GRIK4: variants seen among roughly 807,000 people sequenced by gnomAD.
GRIK4 encodes glutamate receptor ionotropic, kainate 4.
A neutral mutation model predicts 104.9 loss-of-function variants in GRIK4; 40 were observed. The observed-to-expected ratio is 0.38, with a 90% CI of 0.30 to 0.50. The LOEUF (loss-of-function observed/expected upper bound fraction) is 0.50. GRIK4 is among the 20% of genes least tolerant of loss of function. The probability of loss-of-function intolerance (pLI) is 0.93; values close to 1 mark genes in which losing one functional copy is unlikely to be tolerated. For synonymous variants in GRIK4, 485 were observed against 524.9 expected, an observed-to-expected ratio of 0.92 and a Z score of 1.04; for missense variants, 1,047 against 1,308.1, an observed-to-expected ratio of 0.80 and a Z score of 3.08.
intron 13 of GRIK4, among the ~76,000 whole-genome samples, chr11:120,916,570 C>A (rs967997655): frequency 6.6e-6 from 1 of 152,180 alleles, no homozygotes; most frequent in Non-Finnish European, 1.5e-5. Flanking sequence ...GTCTGAAAAT[C>A]CAAAATCTGA....
intron 13 of GRIK4, among the ~76,000 whole-genome samples, chr11:120,922,121 C>T (rs1175495516): frequency 6.6e-6 from 1 of 152,184 alleles, no homozygotes; most frequent in Middle Eastern, 3.2e-3. Flanking sequence ...ATAGTACTAG[C>T]CTCATTACTG....
chr11:120,672,065 T>A (rs1227474593), intron 3 of GRIK4, among the ~76,000 whole-genome samples: 1 of 152,216 alleles, frequency 6.6e-6, no homozygotes, highest in East Asian at 1.9e-4. Context: ...GTGTGATGCC[T>A]CCAGCTTTGT....
chr11:120,841,127 G>A (rs1272402337), intron 8 of GRIK4, among the ~76,000 whole-genome samples: 1 of 151,848 alleles, frequency 6.6e-6, no homozygotes, highest in African/African-American at 2.4e-5. Flanking sequence ...CATAAAATTT[G>A]CCATTGTAAC....
chr11:120,940,422 A>G lies in GRIK4; in HGVS notation c.1552A>G (p.Met518Val). 2 of 1,612,678 alleles carry G rather than the reference A, an allele frequency of 1.2e-6. No homozygotes were observed. The highest frequency in any genetic ancestry group is 1.7e-6 in the Non-Finnish European group (2 of 1,178,678). ...EKVIDFSKPF[M>V]TLGISILYRV... ...GGTGATTGATTTCTCTAAGCCATTC[A>G]TGACTCTGGGAATTAGCATTCTTTA... Residue 518 changes from methionine (M) to valine (V), a missense_variant, in exon 14 of 21, where the codon ATG becomes GTG. Coordinates refer to ENST00000527524, the MANE Select transcript of GRIK4 (RefSeq NM_014619.5). The surrounding 1 kb of genome is among the most constrained non-coding windows in gnomAD (Gnocchi z 4.3).
chr11:120,636,600 G>A (rs1210042408), intron 1 of GRIK4, among the ~76,000 whole-genome samples: 1 of 152,174 alleles, frequency 6.6e-6, no homozygotes, highest in African/African-American at 2.4e-5. Flanking sequence ...CCAGCACTTT[G>A]GGAGGCTCAG....
At chr11:120,755,473 T>C (rs1465743656) in intron 3 of GRIK4, among the ~76,000 whole-genome samples, 1 of 151,844 alleles carries the variant, frequency 6.6e-6, no homozygotes, top group Non-Finnish European at 1.5e-5. Flanking sequence ...AAATAGCCAG[T>C]CATGGCAGCA....
At chr11:120,654,737 C>T (rs1011228801) in intron 2 of GRIK4, among the ~76,000 whole-genome samples, 3 of 152,144 alleles carry the variant, frequency 2.0e-5, no homozygotes, top group Non-Finnish European at 2.9e-5. Flanking sequence ...AGCAATTCCA[C>T]GAGGGGACTA....
chr11:120,783,223 G>A (rs1565349185), intron 3 of GRIK4, among the ~76,000 whole-genome samples: 1 of 152,214 alleles, frequency 6.6e-6, no homozygotes, highest in Non-Finnish European at 1.5e-5. Context: ...CCTACGGTTA[G>A]GACTTTAAAT....
At chr11:120,627,478 G>T (rs1336325273) in intron 1 of GRIK4, among the ~76,000 whole-genome samples, 1 of 152,226 alleles carries the variant, frequency 6.6e-6, no homozygotes, top group Admixed American at 6.5e-5. Flanking sequence ...AGGTGGGGTT[G>T]TGCTAGCTCC....
At chr11:120,618,658 C>T (rs1262804556) in intron 1 of GRIK4, among the ~76,000 whole-genome samples, 1 of 152,234 alleles carries the variant, frequency 6.6e-6, no homozygotes, top group Non-Finnish European at 1.5e-5. Context: ...GACACTGTTC[C>T]ATACAGCCCA....
intron 6 of GRIK4, 110 bp from the exon 7 acceptor site, chr11:120,831,741 AC>A: frequency 1.4e-5 from 10 of 734,842 alleles, no homozygotes; most frequent in East Asian, 5.0e-5. Context: ...GTGGGGCCAG[AC>A]CCCCCGACCC....
At chr11:120,597,649 G>C (rs953807543) in intron 1 of GRIK4, among the ~76,000 whole-genome samples, 17 of 152,220 alleles carry the variant, frequency 1.1e-4, no homozygotes, top group Admixed American at 9.2e-4. Context: ...AGGGATCCGT[G>C]GGGGTCCTGA....
chr11:120,805,357 C>T (rs925132389), intron 4 of GRIK4, among the ~76,000 whole-genome samples: 11 of 152,136 alleles, frequency 7.2e-5, no homozygotes, highest in South Asian at 4.1e-4. Flanking sequence ...AAGATTTGCC[C>T]GTCATGGATG....
chr11:120,805,230 G>C (rs182791033), intron 4 of GRIK4, among the ~76,000 whole-genome samples: 2,261 of 152,196 alleles, frequency 0.015, 54 homozygotes, highest in African/African-American at 0.052. Flanking sequence ...CCTTGTCCAG[G>C]GAGGCAAGTC....
intron 1 of GRIK4, among the ~76,000 whole-genome samples, chr11:120,596,406 G>C (rs1299859700): frequency 6.6e-6 from 1 of 152,180 alleles, no homozygotes; most frequent in Non-Finnish European, 1.5e-5. Context: ...ACACCGATGA[G>C]GGAACAATGA....
At chr11:120,727,820 C>T (rs553236650) in intron 3 of GRIK4, among the ~76,000 whole-genome samples, 1 of 151,820 alleles carries the variant, frequency 6.6e-6, no homozygotes, top group Non-Finnish European at 1.5e-5. Context: ...AACCAATAAA[C>T]ACTATAAATA....
At chr11:120,650,782 A>T (rs913567534) in intron 1 of GRIK4, among the ~76,000 whole-genome samples, 3 of 152,330 alleles carry the variant, frequency 2.0e-5, no homozygotes, top group Middle Eastern at 3.4e-3. Flanking sequence ...CGGTATGTGT[A>T]CATGCTTTGA....
chr11:120,586,848 G>A (rs1948672123), intron 1 of GRIK4, among the ~76,000 whole-genome samples: 2 of 152,290 alleles, frequency 1.3e-5, no homozygotes, highest in East Asian at 3.9e-4. Flanking sequence ...TTAGGATCAG[G>A]CCCTGCAGTC....
chr11:120,827,635 T>G (rs1953303001), intron 6 of GRIK4, among the ~76,000 whole-genome samples: 1 of 152,226 alleles, frequency 6.6e-6, no homozygotes, highest in Non-Finnish European at 1.5e-5. Flanking sequence ...CCCTGAAAAC[T>G]CTTAATACTC....
Sources: allele counts gnomAD v4.1 joint callset (sites outside exome capture counted in the v4.1 genomes callset), GRCh38; gene constraint gnomAD v4.1.1; non-coding constraint Gnocchi (gnomAD v3.1); transcripts MANE v1.5; gene names NCBI Gene and HGNC (gene_info 2026-07-23, HGNC 2026-07-21).